Variants in EML6 observed in about 807,000 individuals in gnomAD.
EML6 encodes EMAP like 6, also known as echinoderm microtubule-associated protein-like 6.
EML6 carries 154 observed loss-of-function variants against 240.1 expected under a neutral mutation model. That is an observed-to-expected ratio of 0.64 (90% CI 0.56 to 0.73). The LOEUF (loss-of-function observed/expected upper bound fraction) is 0.73, where lower values mean the gene tolerates loss of function less well. Among genes scored for constraint, EML6 ranks in the 30% least tolerant of loss-of-function variants. The probability of loss-of-function intolerance (pLI) is 0.00; values close to 1 mark genes in which losing one functional copy is unlikely to be tolerated. For synonymous variants in EML6, 1,148 were observed against 899.0 expected (o/e 1.28, Z -4.95); for missense variants, 2,964 against 2,474.6 (o/e 1.20, Z -4.20).
intron 40 of EML6, 55 bp from the exon 41 acceptor site, chr2:54,968,612 TG>T (rs1676852950): frequency 2.0e-6 from 2 of 996,926 alleles, no homozygotes; most frequent in Non-Finnish European, 3.1e-6. Context: ...AAGTAGTCTG[TG>T]GTTGCTGAGA....
intron 2 of EML6, among the ~76,000 whole-genome samples, chr2:54,791,047 G>T (rs902485092): frequency 2.0e-5 from 3 of 152,162 alleles, no homozygotes; most frequent in Non-Finnish European, 2.9e-5. Context: ...TTCAAACTTT[G>T]AAGCAAACAG....
At chr2:54,736,856 G>A (rs115643531) in intron 2 of EML6, among the ~76,000 whole-genome samples, 1,535 of 152,270 alleles carry the variant, frequency 0.01, 23 homozygotes, top group South Asian at 0.06. Context: ...AATGCATGGC[G>A]TCAATCTAAT....
chr2:54,820,524 A>G (rs1034100263), intron 5 of EML6, 62 bp downstream of exon 5: 3 of 1,001,518 alleles, frequency 3.0e-6, no homozygotes, highest in African/African-American at 3.3e-5. Flanking sequence ...GTGTTTGTAT[A>G]GATAATTTGA....
intron 26 of EML6, among the ~76,000 whole-genome samples, chr2:54,918,924 G>A (rs1326535472): frequency 6.6e-6 from 1 of 152,140 alleles, no homozygotes; most frequent in Non-Finnish European, 1.5e-5. Flanking sequence ...GAACTCCTGT[G>A]TAATATTTCA....
chr2:54,753,991 C>A (rs776205759), intron 2 of EML6, among the ~76,000 whole-genome samples: 2 of 151,702 alleles, frequency 1.3e-5, no homozygotes, highest in Non-Finnish European at 2.9e-5. Context: ...AAAAATTAGC[C>A]GGGTGTGGCA....
intron 4 of EML6, among the ~76,000 whole-genome samples, 183 bp downstream of exon 4, chr2:54,817,068 C>G (rs1364095328): frequency 2.0e-5 from 3 of 152,130 alleles, no homozygotes; most frequent in Non-Finnish European, 4.4e-5. Flanking sequence ...TTCTGGTGAT[C>G]AAGTACTTTA....
Position 54,952,673 on chromosome 2 carries a change from G to C in EML6, c.4293G>C (p.Val1431=). ...TVNQHPKYRN[V]VATSQIGTTP... is the part of the protein sequence containing the mutation. Reference sequence around the variant, plus strand: ...ACCAGCACCCCAAGTACAGAAACGTGGTGGCCACCAGCCAGATAGGTAGGA... The same window carrying C: ...ACCAGCACCCCAAGTACAGAAACGTCGTGGCCACCAGCCAGATAGGTAGGA... Residue 1431 remains valine, a synonymous_variant, in exon 31 of 42, where the codon GTG becomes GTC. Transcript: ENST00000356458. The C allele has an allele frequency of 1.9e-6, 3 of 1,551,134 alleles. No homozygotes were observed. The highest frequency in any genetic ancestry group is 2.6e-6 in the Non-Finnish European group (3 of 1,146,736).
intron 2 of EML6, among the ~76,000 whole-genome samples, chr2:54,809,553 C>G (rs1558568027): frequency 2.0e-5 from 3 of 152,168 alleles, no homozygotes; most frequent in East Asian, 1.9e-4. Flanking sequence ...TCAGAGCACT[C>G]AGAAAGGAGC....
intron 28 of EML6, among the ~76,000 whole-genome samples, chr2:54,941,744 G>A (rs1457832223): frequency 2.0e-5 from 3 of 152,158 alleles, no homozygotes; most frequent in African/African-American, 7.2e-5. Context: ...CTCTCCCCAT[G>A]GGAGAGTGAT....
chr2:54,871,816 T>G (rs1315217460), intron 16 of EML6, among the ~76,000 whole-genome samples: 4 of 152,270 alleles, frequency 2.6e-5, no homozygotes, highest in Non-Finnish European at 5.9e-5. Flanking sequence ...CCAAAAAATG[T>G]GGCCTTTAGA....
At chr2:54,757,138 A>G (rs1667770283) in intron 2 of EML6, among the ~76,000 whole-genome samples, 2 of 151,840 alleles carry the variant, frequency 1.3e-5, no homozygotes, top group South Asian at 2.1e-4. Flanking sequence ...TATATTAATT[A>G]TGTCCCTCCC....
chr2:54,779,706 A>T (rs1668761994), intron 2 of EML6, among the ~76,000 whole-genome samples: 1 of 151,832 alleles, frequency 6.6e-6, no homozygotes, highest in Non-Finnish European at 1.5e-5. Flanking sequence ...TACCAAAAAT[A>T]CAAAAATTAG....
At chr2:54,786,073 G>A (rs1159786258) in intron 2 of EML6, among the ~76,000 whole-genome samples, 1 of 152,058 alleles carries the variant, frequency 6.6e-6, no homozygotes, top group Non-Finnish European at 1.5e-5. Flanking sequence ...TTGGGGTAAA[G>A]GAGCTAGCTG....
intron 2 of EML6, among the ~76,000 whole-genome samples, chr2:54,754,444 A>G (rs766220117): frequency 6.6e-6 from 1 of 152,086 alleles, no homozygotes; most frequent in African/African-American, 2.4e-5. Flanking sequence ...TAGTACAAGC[A>G]CCTTTTCATG....
In EML6 at chr2:54,970,919, G is replaced by T. The variant is rs554017754; in HGVS notation, c.*824G>T. ...AGTTCGGGACAGGGTAGAATTATGG[G>T]TTTTCATTGTGTTTCATGCCAAACC... On this transcript the variant is annotated 3_prime_UTR_variant, in exon 42 of 42. Transcript: ENST00000356458. The T allele has an allele frequency of 6.6e-6, 1 of 152,286 alleles. No homozygotes were observed. Among genetic ancestry groups the T allele is most frequent in the South Asian group, 2.1e-4 (1 of 4,828 alleles). 9.4% of individuals were successfully genotyped at this position (152,286 alleles called of 1,614,324 possible). A position where few individuals can be genotyped will look rare whatever the true frequency, so the allele number is the denominator to read the frequency against.
chr2:54,847,042 G>A (rs1370814355), intron 8 of EML6, among the ~76,000 whole-genome samples: 1 of 151,066 alleles, frequency 6.6e-6, no homozygotes, highest in Non-Finnish European at 1.5e-5. Flanking sequence ...CAAGTAGCTG[G>A]GGCTACAGGC....
intron 17 of EML6, among the ~76,000 whole-genome samples, chr2:54,890,642 T>C (rs1245524004): frequency 1.3e-5 from 2 of 152,186 alleles, no homozygotes; most frequent in African/African-American, 2.4e-5. Context: ...GAGTGATTCA[T>C]GTGAAGCTTT....
chr2:54,891,677 A>G (rs899540844), intron 18 of EML6, among the ~76,000 whole-genome samples: 2 of 152,240 alleles, frequency 1.3e-5, no homozygotes, highest in South Asian at 2.1e-4. Context: ...CAGACTTAAT[A>G]CAATTGAATC....
intron 28 of EML6, among the ~76,000 whole-genome samples, chr2:54,941,084 CAG>C (rs1195412115): frequency 6.6e-6 from 1 of 152,196 alleles, no homozygotes; most frequent in Non-Finnish European, 1.5e-5. Context: ...TGCTTGGAAA[CAG>C]AAATCTGGGA....
Sources: allele counts gnomAD v4.1 joint callset (sites outside exome capture counted in the v4.1 genomes callset), GRCh38; gene constraint gnomAD v4.1.1; transcripts MANE v1.5; gene names NCBI Gene and HGNC (gene_info 2026-07-23, HGNC 2026-07-21).